Variants in PTPRT observed in about 807,000 individuals in gnomAD.
PTPRT encodes protein tyrosine phosphatase receptor type T, also known as receptor-type tyrosine-protein phosphatase T.
In PTPRT, 56 loss-of-function variants were observed where a neutral mutation model predicts 176.8. The ratio of observed to expected loss-of-function variants is 0.32; its 90% confidence interval spans 0.26 to 0.40. The LOEUF is 0.40. PTPRT is among the 10% of genes least tolerant of loss of function. The probability of loss-of-function intolerance (pLI) is 1.00; values close to 1 mark genes in which losing one functional copy is unlikely to be tolerated. For missense variants in PTPRT, 1,540 were observed against 1,908.2 expected (o/e 0.81, Z 3.60); for synonymous variants, 783 against 739.0 (o/e 1.06, Z -0.96).
chr20:42,271,286 C>A (rs887287643), intron 13 of PTPRT, among the ~76,000 whole-genome samples: 1 of 152,162 alleles, frequency 6.6e-6, no homozygotes, highest in Non-Finnish European at 1.5e-5. Flanking sequence ...AGGTGAGTCA[C>A]TTTGCATGGG....
intron 5 of PTPRT, among the ~76,000 whole-genome samples, chr20:42,761,446 A>AG (rs1297344697): frequency 1.3e-5 from 2 of 151,730 alleles, no homozygotes; most frequent in East Asian, 1.9e-4. Flanking sequence ...AAAAAAAAAA[A>AG]ATAAAACAAA....
chr20:43,117,748 T>C (rs984352502), intron 1 of PTPRT, among the ~76,000 whole-genome samples: 3 of 152,166 alleles, frequency 2.0e-5, no homozygotes, highest in Non-Finnish European at 2.9e-5. Flanking sequence ...ACATTCCCAG[T>C]GAAGCTTCAA....
chr20:42,032,088 G>A, the PTPRT span, among the ~76,000 whole-genome samples: 3 of 151,990 alleles, frequency 2.0e-5, no homozygotes, highest in Admixed American at 6.6e-5. Context: ...TGCCATTGGC[G>A]ACTACACCAA....
At chr20:42,490,988 T>C (rs1020131884) in intron 7 of PTPRT, among the ~76,000 whole-genome samples, 19 of 152,206 alleles carry the variant, frequency 1.2e-4, no homozygotes, top group African/African-American at 4.1e-4. Context: ...AAATCTGCTA[T>C]GGACATTCAT....
chr20:43,131,085 G>C (rs1166589618), intron 1 of PTPRT, among the ~76,000 whole-genome samples: 1 of 152,156 alleles, frequency 6.6e-6, no homozygotes, highest in East Asian at 1.9e-4. Context: ...AATAACACTG[G>C]CTTCTGTCCT....
intron 2 of PTPRT, among the ~76,000 whole-genome samples, chr20:42,882,484 G>A (rs1400272024): frequency 6.6e-6 from 1 of 152,170 alleles, no homozygotes; most frequent in East Asian, 1.9e-4. Context: ...CTTTTACTCA[G>A]CTTCTTAGAA....
intron 12 of PTPRT, among the ~76,000 whole-genome samples, chr20:42,283,069 G>A (rs369244406): frequency 2.0e-4 from 30 of 152,078 alleles, no homozygotes; most frequent in South Asian, 2.1e-4. Flanking sequence ...TGTGGGCCTC[G>A]CAACCTTCAT....
intron 22 of PTPRT, among the ~76,000 whole-genome samples, chr20:42,112,479 G>A (rs537121753): frequency 4.6e-5 from 7 of 152,340 alleles, no homozygotes; most frequent in African/African-American, 1.4e-4. Flanking sequence ...TGCCCGGTAC[G>A]TGGGACTTTC....
intron 9 of PTPRT, among the ~76,000 whole-genome samples, chr20:42,393,571 C>A (rs750237579): frequency 6.6e-6 from 1 of 152,134 alleles, no homozygotes; most frequent in South Asian, 2.1e-4. Context: ...CACCATTTCT[C>A]AATAACACAC....
intron 15 of PTPRT, 76 bp downstream of exon 15, chr20:42,236,149 CACTT>C (rs2056237256): frequency 8.1e-7 from 1 of 1,233,758 alleles, no homozygotes; most frequent in East Asian, 2.4e-5. Flanking sequence ...AACTAACAGA[CACTT>C]GGTTGGTGCA....
At chr20:42,331,803 TA>T (rs2057968421) in intron 11 of PTPRT, among the ~76,000 whole-genome samples, 1 of 152,136 alleles carries the variant, frequency 6.6e-6, no homozygotes, top group East Asian at 1.9e-4. Flanking sequence ...TATTCTTATA[TA>T]TACCAAATTC....
rs1161994908 is a variant in PTPRT, at chr20:42,646,882, C to CTT, written c.1153+30982_1153+30983dup. Among the ~76,000 whole-genome samples, 357 of 76,304 alleles carry CTT rather than the reference C, an allele frequency of 4.7e-3. 36 individuals are homozygous for CTT. The highest frequency in any genetic ancestry group is 6.1e-3 in the East Asian group (17 of 2,788). The allele number at this position is 76,304 out of a possible 152,430, so 50.1% of individuals were successfully genotyped here. ...TCTAGAGATCCCAACCTAAGACAGC[C>CTT]TTTTTTTTTTTTTTTTTTTTTTTTT... On this transcript the variant is annotated intron_variant, in intron 7 of 30. Coordinates refer to ENST00000373187, the MANE Select transcript of PTPRT (RefSeq NM_007050.6).
At chr20:42,335,283 T>C (rs925823476) in intron 11 of PTPRT, among the ~76,000 whole-genome samples, 1 of 152,146 alleles carries the variant, frequency 6.6e-6, no homozygotes, top group East Asian at 1.9e-4. Flanking sequence ...AGGCAGGAGA[T>C]AGGAAGAGGA....
chr20:43,009,546 AGAGAAGAAGGGCCAG>A (rs1985018763), intron 1 of PTPRT, among the ~76,000 whole-genome samples: 1 of 152,210 alleles, frequency 6.6e-6, no homozygotes, highest in Admixed American at 6.5e-5. Flanking sequence ...CATTCTTCAA[AGAGAAGAAGGGCCAG>A]GAGAATGGTG....
the PTPRT span, chr20:42,063,393 T>G: frequency 6.6e-6 from 1 of 152,166 alleles, no homozygotes; most frequent in African/African-American, 2.4e-5. Flanking sequence ...GGGTGTCCCT[T>G]GAGGCCCTGC....
chr20:42,580,957 G>A (rs1007438918), intron 7 of PTPRT, among the ~76,000 whole-genome samples: 1 of 152,132 alleles, frequency 6.6e-6, no homozygotes, highest in Non-Finnish European at 1.5e-5. Flanking sequence ...TAGGAGTGGT[G>A]AGAGAGGGCA....
chr20:42,181,130 T>C (rs1990505067), intron 16 of PTPRT, among the ~76,000 whole-genome samples: 1 of 152,208 alleles, frequency 6.6e-6, no homozygotes, highest in Non-Finnish European at 1.5e-5. Flanking sequence ...AAATACAATA[T>C]GATACATCCC....
intron 7 of PTPRT, among the ~76,000 whole-genome samples, chr20:42,516,273 A>T (rs2072065758): frequency 6.6e-6 from 1 of 152,098 alleles, no homozygotes; most frequent in African/African-American, 2.4e-5. Flanking sequence ...AAATTAAAAA[A>T]AAAAAGAATG....
intron 27 of PTPRT, among the ~76,000 whole-genome samples, chr20:42,088,771 T>C (rs1014043081): frequency 1.3e-5 from 2 of 152,222 alleles, no homozygotes; most frequent in African/African-American, 2.4e-5. Flanking sequence ...ATTTCCTATC[T>C]GGCTCTTTAC....
Sources: allele counts gnomAD v4.1 joint callset (sites outside exome capture counted in the v4.1 genomes callset), GRCh38; gene constraint gnomAD v4.1.1; transcripts MANE v1.5; gene names NCBI Gene and HGNC (gene_info 2026-07-23, HGNC 2026-07-21).